The following LAMC3 variants were observed in gnomAD, a reference collection of about 807,000 sequenced individuals.
The protein encoded by LAMC3 is laminin subunit gamma-3.
Under a neutral mutation model 173.8 loss-of-function variants are expected in LAMC3, and 128 were observed. That is an observed-to-expected ratio of 0.74 (90% CI 0.64 to 0.85). LAMC3 has a LOEUF of 0.85. Among genes scored for constraint, LAMC3 ranks in the 40% least tolerant of loss-of-function variants. The pLI is 0.00. For missense variants in LAMC3, 2,022 were observed against 2,156.0 expected (o/e 0.94, Z 1.23); for synonymous variants, 897 against 909.1 (o/e 0.99, Z 0.24).
intron 22 of LAMC3, 108 bp downstream of exon 22, chr9:131,077,442 C>T (rs992500320): frequency 1.2e-5 from 17 of 1,410,914 alleles, no homozygotes; most frequent in South Asian, 4.7e-5. Flanking sequence ...TTTGGGAGGC[C>T]GAGGCGGGTG....
intron 1 of LAMC3, chr9:131,021,348 A>G (rs1833621073): frequency 6.6e-6 from 1 of 152,150 alleles, no homozygotes; most frequent in South Asian, 2.1e-4. Flanking sequence ...CCCATAGCGT[A>G]TGCACCATTT....
At chr9:131,088,456 G>T (rs1830366898) in intron 27 of LAMC3, among the ~76,000 whole-genome samples, 2 of 152,176 alleles carry the variant, frequency 1.3e-5, no homozygotes, top group African/African-American at 4.8e-5. Flanking sequence ...CATTTTGGAT[G>T]AAGGGAATAG....
At chr9:131,083,494 G>A (rs2133346602) in intron 24 of LAMC3, among the ~76,000 whole-genome samples, 1 of 148,454 alleles carries the variant, frequency 6.7e-6, no homozygotes, top group Non-Finnish European at 1.5e-5. Flanking sequence ...GTGGCCGGGG[G>A]TCTCCTAGCC....
At chr9:131,011,174 G>A (rs1162018536) in intron 1 of LAMC3, among the ~76,000 whole-genome samples, 3 of 152,196 alleles carry the variant, frequency 2.0e-5, no homozygotes, top group Non-Finnish European at 2.9e-5. Flanking sequence ...GACCCCACTG[G>A]GGGTATTAGC....
intron 12 of LAMC3, among the ~76,000 whole-genome samples, chr9:131,059,995 C>T (rs1186139720): frequency 6.6e-6 from 1 of 152,180 alleles, no homozygotes; most frequent in Non-Finnish European, 1.5e-5. Context: ...CCTTCTCAGC[C>T]AGGCTTCTCA....
At chr9:131,046,063 A>G (rs1219581316) in intron 8 of LAMC3, among the ~76,000 whole-genome samples, 1 of 152,208 alleles carries the variant, frequency 6.6e-6, no homozygotes, top group African/African-American at 2.4e-5. Flanking sequence ...CTAACATGCA[A>G]GGATTCTCAT....
chr9:131,077,110 G>T, intron 21 of LAMC3, 77 bp from the exon 22 acceptor site: 1 of 1,594,880 alleles, frequency 6.3e-7, no homozygotes. Context: ...GCAAACCAGT[G>T]GCTCCAGCCT....
chr9:131,017,913 C>T (rs1335585510), intron 1 of LAMC3, among the ~76,000 whole-genome samples: 1 of 151,440 alleles, frequency 6.6e-6, no homozygotes, highest in Non-Finnish European at 1.5e-5. Flanking sequence ...GTAATCCCAG[C>T]TACCCAGGAG....
At chr9:131,081,056 C>T (rs1340751827) in intron 23 of LAMC3, among the ~76,000 whole-genome samples, 1 of 152,240 alleles carries the variant, frequency 6.6e-6, no homozygotes, top group South Asian at 2.1e-4. Flanking sequence ...GCAGTCCCTC[C>T]TCATTTCCAC....
chr9:131,080,281 CCTT>C (rs2133341208), intron 23 of LAMC3: 1 of 108,234 alleles, frequency 9.2e-6, no homozygotes, highest in South Asian at 3.1e-4. Flanking sequence ...CAGCCTCATT[CCTT>C]TTTTTTTTTT....
At chr9:131,033,099 T>G (rs1833875388) in intron 3 of LAMC3, among the ~76,000 whole-genome samples, 1 of 152,162 alleles carries the variant, frequency 6.6e-6, no homozygotes, top group South Asian at 2.1e-4. Flanking sequence ...TTGTTTCTCC[T>G]CCAACATCTG....
At chr9:131,058,578 G>A (rs1476540827) in intron 12 of LAMC3, among the ~76,000 whole-genome samples, 1 of 152,208 alleles carries the variant, frequency 6.6e-6, no homozygotes, top group East Asian at 1.9e-4. Context: ...CTGAGAAGAA[G>A]GCTGCTGGGC....
At chr9:131,062,659 C>T (rs183330332) in intron 13 of LAMC3, among the ~76,000 whole-genome samples, 7 of 151,998 alleles carry the variant, frequency 4.6e-5, no homozygotes, top group East Asian at 3.9e-4. Flanking sequence ...ACCTGCGGTC[C>T]GGAGTCTGAG....
At chr9:131,082,203 C>A in intron 24 of LAMC3, 42 bp downstream of exon 24, 5 of 1,437,808 alleles carry the variant, frequency 3.5e-6, no homozygotes, top group Non-Finnish European at 4.8e-6. Flanking sequence ...TAATGACGAA[C>A]GCCCCTGACA....
chr9:131,079,018 G>T, intron 22 of LAMC3, 131 bp from the exon 23 acceptor site: 1 of 1,155,666 alleles, frequency 8.7e-7, no homozygotes, highest in African/African-American at 1.5e-5. Context: ...GTTTTCAGGG[G>T]GCTTGGGTTC....
At position 131,038,931 on chromosome 9, in the gene LAMC3, C is replaced by T. The variant is rs150931475; in HGVS notation, c.1044C>T (p.His348=). 1.1e-4 allele frequency: 177 copies of T among 1,613,132 alleles called. No individual in the cohort carries two copies. The highest frequency in any genetic ancestry group is 5.3e-4 in the African/African-American group (40 of 75,054). Residue 348 remains histidine, a synonymous_variant, in exon 5 of 28, where the codon CAC becomes CAT. Coordinates refer to ENST00000361069, the MANE Select transcript of LAMC3 (RefSeq NM_006059.4). ...FDRELFRSTG[H]GGRCHHCRDH... ...GGGAGCTCTTCCGCAGCACAGGCCA[C>T]GGCGGGCGCTGTCACCACTGCCGTG...
chr9:131,052,711 T>A, intron 10 of LAMC3, 28 bp downstream of exon 10: 1 of 1,590,674 alleles, frequency 6.3e-7, no homozygotes, highest in Non-Finnish European at 8.6e-7. Context: ...TCCTGAGAGA[T>A]GGGGAGGTGA....
chr9:131,054,813 A>G (rs185867362), intron 11 of LAMC3, among the ~76,000 whole-genome samples: 50 of 127,890 alleles, frequency 3.9e-4, no homozygotes, highest in African/African-American at 1.6e-3. Context: ...AGTGAGAGAG[A>G]GAGAAAGAAA....
At chr9:131,064,822 C>T (rs1829897085) in intron 13 of LAMC3, among the ~76,000 whole-genome samples, 1 of 151,988 alleles carries the variant, frequency 6.6e-6, no homozygotes, top group Admixed American at 6.5e-5. Flanking sequence ...AGGCGGATCA[C>T]CTGAGGTCAG....
Sources: gnomAD v4.1 joint callset for allele counts (sites outside exome capture counted in the v4.1 genomes callset) on GRCh38, gnomAD v4.1.1 for gene constraint, MANE v1.5 for transcripts, NCBI Gene and HGNC (gene_info 2026-07-23, HGNC 2026-07-21) for gene names.